Variants in STK32B observed in about 807,000 individuals in gnomAD.
STK32B encodes serine/threonine-protein kinase 32B.
STK32B carries 43 observed loss-of-function variants against 52.6 expected under a neutral mutation model. The ratio of observed to expected loss-of-function variants is 0.82; its 90% CI spans 0.64 to 1.05. STK32B has a LOEUF of 1.05. Among genes scored for constraint, STK32B ranks in the 50% least tolerant of loss-of-function variants. STK32B has a pLI of 0.00. For synonymous variants in STK32B, 238 were observed against 204.3 expected (o/e 1.17, Z -1.41); for missense variants, 621 against 534.6 (o/e 1.16, Z -1.59).
chr4:5,104,252 T>G (rs1185593534), intron 1 of STK32B, among the ~76,000 whole-genome samples: 1 of 152,172 alleles, frequency 6.6e-6, no homozygotes, highest in South Asian at 2.1e-4. Flanking sequence ...CTGATGGTTT[T>G]ATGAAGGAGA....
At chr4:5,284,030 CA>C (rs1331807079) in intron 3 of STK32B, among the ~76,000 whole-genome samples, 1 of 151,988 alleles carries the variant, frequency 6.6e-6, no homozygotes, top group African/African-American at 2.4e-5. Flanking sequence ...CAAGACTATT[CA>C]AAAATTGTCT....
At chr4:5,462,154 TG>T (rs1717075999) in intron 9 of STK32B, among the ~76,000 whole-genome samples, 1 of 148,030 alleles carries the variant, frequency 6.8e-6, no homozygotes, top group Non-Finnish European at 1.5e-5. Context: ...TGTGTACCCA[TG>T]TGTCTGTGTG....
intron 4 of STK32B, among the ~76,000 whole-genome samples, chr4:5,356,059 C>A (rs1734153124): frequency 2.0e-5 from 3 of 152,102 alleles, no homozygotes; most frequent in African/African-American, 7.2e-5. Flanking sequence ...AAGCACTGAG[C>A]AGACCCACAC....
chr4:5,485,440 A>G (rs1437732341), intron 11 of STK32B, among the ~76,000 whole-genome samples: 2 of 152,202 alleles, frequency 1.3e-5, no homozygotes, highest in East Asian at 3.9e-4. Flanking sequence ...CAGCTCTATC[A>G]GGTCCTTTAA....
intron 3 of STK32B, among the ~76,000 whole-genome samples, chr4:5,325,026 C>T (rs1731779138): frequency 1.3e-5 from 2 of 152,200 alleles, no homozygotes; most frequent in Admixed American, 6.5e-5. Context: ...AGAACATTCA[C>T]CTCGTGCTCT....
the STK32B span, among the ~76,000 whole-genome samples, chr4:5,023,055 CAG>C: frequency 1.3e-5 from 2 of 151,694 alleles, no homozygotes; most frequent in Admixed American, 1.3e-4. Flanking sequence ...CTGTGAAAGA[CAG>C]AGAGTGAGGG....
chr4:5,253,856 T>G (rs1481775220), intron 3 of STK32B, among the ~76,000 whole-genome samples: 14 of 152,236 alleles, frequency 9.2e-5, no homozygotes, highest in African/African-American at 3.4e-4. Context: ...TCTAAAGTGT[T>G]GTTTTGAGCA....
At chr4:5,247,782 A>T (rs1052790113) in intron 3 of STK32B, among the ~76,000 whole-genome samples, 1 of 151,320 alleles carries the variant, frequency 6.6e-6, no homozygotes, top group Non-Finnish European at 1.5e-5. Flanking sequence ...GCCAAGGAGG[A>T]TCATTTTCTT....
intron 6 of STK32B, among the ~76,000 whole-genome samples, chr4:5,425,291 A>AC (rs1470433474): frequency 3.9e-5 from 6 of 152,124 alleles, no homozygotes; most frequent in Non-Finnish European, 8.8e-5. Flanking sequence ...GTGAAGCAAC[A>AC]CCCCAAGGAT....
chr4:5,206,906 C>G (rs563692083), intron 3 of STK32B, among the ~76,000 whole-genome samples: 1 of 152,316 alleles, frequency 6.6e-6, no homozygotes, highest in East Asian at 1.9e-4. Context: ...CTGTATCATT[C>G]TTCCCACCCA....
chr4:5,198,959 G>C (rs900137436), intron 3 of STK32B, among the ~76,000 whole-genome samples: 2 of 151,650 alleles, frequency 1.3e-5, no homozygotes, highest in African/African-American at 4.9e-5. Flanking sequence ...TGCAGTGAAA[G>C]GAAACATCAG....
intron 2 of STK32B, among the ~76,000 whole-genome samples, chr4:5,142,069 C>T (rs1272809099): frequency 6.6e-6 from 1 of 152,176 alleles, no homozygotes; most frequent in Non-Finnish European, 1.5e-5. Flanking sequence ...ACGAGCTCTT[C>T]CGGTAGAGAA....
intron 4 of STK32B, among the ~76,000 whole-genome samples, chr4:5,382,476 C>T (rs1038235714): frequency 6.6e-6 from 1 of 152,058 alleles, no homozygotes; most frequent in Non-Finnish European, 1.5e-5. Context: ...GGCTCCTTCC[C>T]TCTCATCTGT....
At chr4:5,397,389 T>C (rs1335059092) in intron 4 of STK32B, among the ~76,000 whole-genome samples, 1 of 152,196 alleles carries the variant, frequency 6.6e-6, no homozygotes, top group Admixed American at 6.5e-5. Flanking sequence ...GGCGCTGTGC[T>C]AGGTACAGGC....
At chr4:5,274,334 C>T (rs901905696) in intron 3 of STK32B, among the ~76,000 whole-genome samples, 9 of 152,226 alleles carry the variant, frequency 5.9e-5, no homozygotes, top group Admixed American at 3.9e-4. Flanking sequence ...AAGATATGAT[C>T]GATTGATTTT....
chr4:5,439,149 C>G (rs9715056), intron 6 of STK32B, among the ~76,000 whole-genome samples: 52,141 of 142,620 alleles, frequency 0.37, 9,809 homozygotes, highest in Non-Finnish European at 0.43. Context: ...AATGGTATTT[C>G]TAGTTCTAGA....
chr4:5,172,787 C>A (rs1719494213), intron 3 of STK32B, among the ~76,000 whole-genome samples: 1 of 152,180 alleles, frequency 6.6e-6, no homozygotes, highest in Non-Finnish European at 1.5e-5. Context: ...GGTTGTGTCT[C>A]TGCCAGGCTT....
At chr4:5,447,508 C>T (rs575002153) in intron 7 of STK32B, among the ~76,000 whole-genome samples, 3 of 152,130 alleles carry the variant, frequency 2.0e-5, no homozygotes, top group Non-Finnish European at 4.4e-5. Context: ...TGGTGGCACT[C>T]GCTTGTAGTC....
At chr4:5,039,881 T>A in the STK32B span, among the ~76,000 whole-genome samples, 1 of 152,202 alleles carries the variant, frequency 6.6e-6, no homozygotes, top group Non-Finnish European at 1.5e-5. Flanking sequence ...ACACGACTGT[T>A]AAGTGGTATC....
Sources: gnomAD v4.1 joint callset for allele counts (sites outside exome capture counted in the v4.1 genomes callset) on GRCh38, gnomAD v4.1.1 for gene constraint, MANE v1.5 for transcripts, NCBI Gene and HGNC (gene_info 2026-07-23, HGNC 2026-07-21) for gene names.